SLC30A6: variants seen among roughly 807,000 people sequenced by gnomAD.
SLC30A6 encodes the protein solute carrier family 30 member 6, also known as zinc transporter 6.
Under a neutral mutation model 63.0 loss-of-function variants are expected in SLC30A6, and 55 were observed. The ratio of observed to expected loss-of-function variants is 0.87; its 90% confidence interval spans 0.70 to 1.09. SLC30A6 has a LOEUF of 1.09. Ranked by LOEUF, SLC30A6 falls within the 50% of genes least tolerant of loss-of-function variation. The pLI is 0.00. For synonymous variants in SLC30A6, 224 were observed against 186.1 expected, an observed-to-expected ratio of 1.20 and a Z score of -1.66; for missense variants, 587 against 549.2, an observed-to-expected ratio of 1.07 and a Z score of -0.69.
At chr2:32,173,705 A>G (rs777522276) in intron 2 of SLC30A6, among the ~76,000 whole-genome samples, 9 of 152,148 alleles carry the variant, frequency 5.9e-5, no homozygotes, top group Non-Finnish European at 7.3e-5. Flanking sequence ...CCCTTTATTC[A>G]GATTCACCAG....
At chr2:32,180,721 C>G (rs1682233033) in intron 4 of SLC30A6, among the ~76,000 whole-genome samples, 1 of 152,210 alleles carries the variant, frequency 6.6e-6, no homozygotes. Context: ...GCGTGAACCA[C>G]CGCGCTCAGC....
chr2:32,184,699 A>C (rs1573295575), intron 5 of SLC30A6, among the ~76,000 whole-genome samples: 2 of 152,306 alleles, frequency 1.3e-5, no homozygotes, highest in South Asian at 2.1e-4. Context: ...CAGGAGACGG[A>C]GGTTGCAGTG....
At position 32,212,345 on chromosome 2, in the gene SLC30A6, G is replaced by A. The variant is rs79339040; in HGVS notation, c.885+2784G>A. Reference sequence around the variant, plus strand: ...ATCTGACATGTAGTTTTATCTGTCTGGTGATCTTTTATAATCTGTTTTATA... The same window carrying A: ...ATCTGACATGTAGTTTTATCTGTCTAGTGATCTTTTATAATCTGTTTTATA... On this transcript the variant is annotated intron_variant, in intron 13 of 13. Transcript: ENST00000282587. 9.9e-3 allele frequency among the ~76,000 whole-genome samples: 1,501 copies of A among 151,890 alleles called. 18 individuals are homozygous for A. The highest frequency in any genetic ancestry group is 0.054 in the Middle Eastern group (16 of 294).
intron 2 of SLC30A6, among the ~76,000 whole-genome samples, chr2:32,173,327 C>T (rs549902294): frequency 1.6e-3 from 237 of 152,110 alleles, no homozygotes; most frequent in Non-Finnish European, 2.1e-3. Context: ...GAAGATTTTT[C>T]CTTATTTCTC....
intron 5 of SLC30A6, among the ~76,000 whole-genome samples, chr2:32,189,271 T>A (rs1683105232): frequency 6.7e-6 from 1 of 148,420 alleles, no homozygotes. Flanking sequence ...TTGACAACAG[T>A]TGATACTGTC....
intron 13 of SLC30A6, among the ~76,000 whole-genome samples, chr2:32,213,261 C>G (rs1237607652): frequency 6.7e-6 from 1 of 149,810 alleles, no homozygotes; most frequent in Non-Finnish European, 1.5e-5. Flanking sequence ...CTGTACTACT[C>G]AGTTTGGATT....
intron 12 of SLC30A6, among the ~76,000 whole-genome samples, chr2:32,209,021 A>G (rs1685029694): frequency 6.6e-6 from 1 of 152,186 alleles, no homozygotes; most frequent in Non-Finnish European, 1.5e-5. Flanking sequence ...TGGGCTACAC[A>G]CTATATATCT....
intron 13 of SLC30A6, among the ~76,000 whole-genome samples, chr2:32,217,233 G>A (rs1251909454): frequency 6.6e-6 from 1 of 152,088 alleles, no homozygotes; most frequent in Non-Finnish European, 1.5e-5. Flanking sequence ...TCCATCTTGA[G>A]TTAATCTTTT....
chr2:32,214,391 AC>A (rs1685524166), intron 13 of SLC30A6: 1 of 151,784 alleles, frequency 6.6e-6, no homozygotes, highest in Admixed American at 6.6e-5. Flanking sequence ...TTAGAACTAC[AC>A]ACCTTGAGTC....
chr2:32,187,076 C>A (rs545413557), intron 5 of SLC30A6: 1 of 403,160 alleles, frequency 2.5e-6, no homozygotes, highest in Non-Finnish European at 5.1e-6. Context: ...ATTTATGTAA[C>A]CAAACTACTG....
chr2:32,212,486 T>G (rs770971579), intron 13 of SLC30A6, among the ~76,000 whole-genome samples: 3 of 151,884 alleles, frequency 2.0e-5, no homozygotes, highest in Non-Finnish European at 4.4e-5. Context: ...TTTAGGGTAG[T>G]GTGTACAAAT....
chr2:32,215,993 G>A (rs529465000), intron 13 of SLC30A6, among the ~76,000 whole-genome samples: 2 of 152,278 alleles, frequency 1.3e-5, no homozygotes, highest in African/African-American at 2.4e-5. Flanking sequence ...CCATGCCTTT[G>A]CTGTGTGAAT....
In SLC30A6 at chr2:32,220,224, G is replaced by A; in HGVS notation, c.897G>A (p.Val299=). ...TLGFGSLAGS[V]HVRIRRDANE... is the part of the protein sequence containing the mutation. ...TTTGCCCCTTTTAGGCTGGATCAGT[G>A]CATGTAAGAATTCGACGAGATGCCA... is the stretch of plus-strand genomic sequence containing the variant. The change falls in exon 14 of 14, where the codon GTG becomes GTA. Residue 299 remains valine (V), a synonymous_variant. Coordinates refer to ENST00000282587, the MANE Select transcript of SLC30A6 (RefSeq NM_017964.5). The A allele has an allele frequency of 6.2e-7, 1 of 1,613,762 alleles. No individual in the cohort carries two copies. Among genetic ancestry groups the A allele is most frequent in the East Asian group, 2.2e-5 (1 of 44,886 alleles).
chr2:32,199,936 A>G (rs1019212568), intron 10 of SLC30A6, among the ~76,000 whole-genome samples: 2 of 152,094 alleles, frequency 1.3e-5, no homozygotes, highest in Non-Finnish European at 2.9e-5. Context: ...CCAACATGGC[A>G]AAACCCCGTC....
chr2:32,170,157 G>T (rs1206292676), intron 1 of SLC30A6, among the ~76,000 whole-genome samples: 1 of 151,952 alleles, frequency 6.6e-6, no homozygotes, highest in Admixed American at 6.6e-5. Context: ...ATTAAGAAAG[G>T]CTTCCCCCAA....
chr2:32,174,065 C>A lies in SLC30A6; in HGVS notation c.93C>A (p.Ser31=). Residue 31 remains serine, a splice_region_variant and synonymous_variant, in exon 3 of 14, where the codon TCC becomes TCA. Coordinates refer to ENST00000282587, the MANE Select transcript of SLC30A6 (RefSeq NM_017964.5). ...EFRLVAADRR[S]WKILLFGVIN... ...AAGAGTGATTTTTATTTTCACAGTC[C>A]TGGAAGATACTGCTCTTTGGTGTAA... 2 of 1,612,552 alleles carry A rather than the reference C, an allele frequency of 1.2e-6. No individual in the cohort carries two copies. Among genetic ancestry groups the A allele is most frequent in the African/African-American group, 1.3e-5 (1 of 74,934 alleles).
At chr2:32,171,415 A>G (rs1681198539) in intron 2 of SLC30A6, 42 bp downstream of exon 2, 1 of 1,426,952 alleles carries the variant, frequency 7.0e-7, no homozygotes, top group Non-Finnish European at 9.9e-7. Flanking sequence ...TTGCACAAAC[A>G]ACATTATAAC....
chr2:32,216,772 A>G (rs2148911389), intron 13 of SLC30A6, among the ~76,000 whole-genome samples: 1 of 150,802 alleles, frequency 6.6e-6, no homozygotes, highest in East Asian at 2.0e-4. Flanking sequence ...TTGCTTGTTC[A>G]GTTTTTAAGT....
chr2:32,206,816 G>A, intron 11 of SLC30A6, 70 bp from the exon 12 acceptor site: 2 of 1,184,724 alleles, frequency 1.7e-6, no homozygotes, highest in African/African-American at 1.5e-5. Flanking sequence ...TTGGGGAGGG[G>A]GTTCAGGACC....
Sources: gnomAD v4.1 joint callset for allele counts (sites outside exome capture counted in the v4.1 genomes callset) on GRCh38, gnomAD v4.1.1 for gene constraint, MANE v1.5 for transcripts, NCBI Gene and HGNC (gene_info 2026-07-23, HGNC 2026-07-21) for gene names.